ARID5B: variants seen among roughly 807,000 people sequenced by gnomAD.
ARID5B encodes AT-rich interaction domain 5B.
A neutral mutation model predicts 97.2 loss-of-function variants in ARID5B; 13 were observed. The ratio of observed to expected loss-of-function variants is 0.13; its 90% CI spans 0.09 to 0.21. ARID5B has a LOEUF of 0.21. Among genes scored for constraint, ARID5B ranks in the 10% least tolerant of loss-of-function variants. The pLI is 1.00. For missense variants in ARID5B, 1,210 were observed against 1,465.3 expected (o/e 0.83, Z 2.84); for synonymous variants, 556 against 570.3 (o/e 0.97, Z 0.36).
At chr10:62,083,042 GACCTTTACAC>G (rs1840234295) in intron 8 of ARID5B, among the ~76,000 whole-genome samples, 1 of 151,660 alleles carries the variant, frequency 6.6e-6, no homozygotes, top group African/African-American at 2.4e-5. Flanking sequence ...ACACTCGGTT[GACCTTTACAC>G]ACACACACAC....
intron 4 of ARID5B, chr10:62,047,002 C>CTG (rs10569497): frequency 0.39 from 58,302 of 150,212 alleles, 12,055 homozygotes; most frequent in Non-Finnish European, 0.49. Context: ...GTGTGTGTGT[C>CTG]TGTGTGTGTG....
At chr10:62,034,950 G>T in intron 4 of ARID5B, among the ~76,000 whole-genome samples, 1 of 152,178 alleles carries the variant, frequency 6.6e-6, no homozygotes, top group East Asian at 1.9e-4. Flanking sequence ...ACTTTTTCTT[G>T]TTGTAGGGGC....
At chr10:62,050,864 C>A (rs766803815) in intron 4 of ARID5B, 24 bp from the exon 5 acceptor site, 2 of 1,592,266 alleles carry the variant, frequency 1.3e-6, no homozygotes, top group Admixed American at 1.7e-5. Context: ...AAATGTATAT[C>A]AATTGTTTTC....
At chr10:62,030,740 T>C (rs1253916729) in intron 4 of ARID5B, among the ~76,000 whole-genome samples, 1 of 152,188 alleles carries the variant, frequency 6.6e-6, no homozygotes, top group East Asian at 1.9e-4. Flanking sequence ...TTTTTGAAAA[T>C]GATCACACAA....
At chr10:61,982,880 C>T (rs917674257) in intron 3 of ARID5B, among the ~76,000 whole-genome samples, 9 of 152,194 alleles carry the variant, frequency 5.9e-5, no homozygotes, top group Admixed American at 3.3e-4. Context: ...AATAAACCCC[C>T]GCCAAGGTGA....
In ARID5B at chr10:62,060,787, G is replaced by A. The variant is rs140091732; in HGVS notation, c.1101+1492G>A. 1.1e-4 allele frequency among the ~76,000 whole-genome samples: 16 copies of A among 152,270 alleles called. No individual in the cohort carries two copies. The South Asian group carries it at 2.5e-3, about 24-fold the overall frequency. ...GAACCATGACTGCAGATAGTTATAT[G>A]ATATTGAACAATATTATGAAACGTC... On this transcript the variant is annotated intron_variant, in intron 7 of 9. Coordinates refer to ENST00000279873, the MANE Select transcript of ARID5B (RefSeq NM_032199.3).
intron 6 of ARID5B, 49 bp from the exon 7 acceptor site, chr10:62,059,194 A>C: frequency 7.2e-7 from 1 of 1,394,334 alleles, no homozygotes; most frequent in East Asian, 2.4e-5. Flanking sequence ...CATTTCTTGG[A>C]AGTATGTTAA....
chr10:61,979,254 G>A (rs1217518667), intron 3 of ARID5B, among the ~76,000 whole-genome samples: 1 of 152,202 alleles, frequency 6.6e-6, no homozygotes, highest in African/African-American at 2.4e-5. Flanking sequence ...CTCTGGGAGA[G>A]GAAGCAACTT....
chr10:62,045,773 C>A (rs1404571358), intron 4 of ARID5B, among the ~76,000 whole-genome samples: 2 of 152,144 alleles, frequency 1.3e-5, no homozygotes, highest in African/African-American at 2.4e-5. Context: ...AATTGATATC[C>A]TCAGAGGAAA....
Position 62,091,200 on chromosome 10 carries a change from G to A in ARID5B, c.1737G>A (p.Leu579=), listed in dbSNP as rs751442112. Reference sequence around the variant, plus strand: ...TGGACTCAAAACAAGAATCCAAACTGTGCTGTTTTACAGAGAGCCCTGAAA... The same window carrying A: ...TGGACTCAAAACAAGAATCCAAACTATGCTGTTTTACAGAGAGCCCTGAAA... ...ALVDSKQESK[L]CCFTESPESE... Residue 579 remains leucine (L), a synonymous_variant, in exon 10 of 10, where the codon CTG becomes CTA. Coordinates refer to ENST00000279873, the MANE Select transcript of ARID5B (RefSeq NM_032199.3). 6.2e-7 allele frequency: 1 copy of A among 1,614,140 alleles called. No individual in the cohort carries two copies. Among genetic ancestry groups the A allele is most frequent in the Non-Finnish European group, 8.5e-7 (1 of 1,180,026 alleles).
At chr10:61,917,203 C>T (rs559252206) in intron 2 of ARID5B, among the ~76,000 whole-genome samples, 23 of 151,854 alleles carry the variant, frequency 1.5e-4, no homozygotes, top group African/African-American at 4.8e-4. Context: ...ATAAAATGCT[C>T]TTCAGTTTCT....
intron 8 of ARID5B, among the ~76,000 whole-genome samples, chr10:62,072,298 C>T (rs376370276): frequency 5.9e-5 from 9 of 152,178 alleles, no homozygotes; most frequent in Non-Finnish European, 1.2e-4. Context: ...AGGCTGCAAC[C>T]CACTGCTGCT....
chr10:62,094,198 G>A lies in ARID5B; in HGVS notation c.*1168G>A, dbSNP rs571859650. The A allele has an allele frequency of 6.0e-5, 14 of 232,608 alleles. No individual in the cohort carries two copies. The highest frequency in any genetic ancestry group is 1.5e-4 in the African/African-American group (7 of 45,436). 14.4% of individuals were successfully genotyped at this position (232,608 alleles called of 1,614,324 possible). On this transcript the variant is annotated 3_prime_UTR_variant, in exon 10 of 10. Coordinates refer to ENST00000279873, the MANE Select transcript of ARID5B (RefSeq NM_032199.3). ...AGGAGCCAAAATGATTTACATTGGC[G>A]TTGGCACTGATTCCTTTAAATGGTC...
chr10:62,062,110 T>G (rs879563895), intron 7 of ARID5B, among the ~76,000 whole-genome samples: 2 of 152,222 alleles, frequency 1.3e-5, no homozygotes, highest in Non-Finnish European at 2.9e-5. Context: ...TGGCATATTT[T>G]GACTAATAAA....
chr10:62,051,489 A>C (rs1032546572), intron 5 of ARID5B, among the ~76,000 whole-genome samples: 2 of 152,240 alleles, frequency 1.3e-5, no homozygotes, highest in Non-Finnish European at 2.9e-5. Context: ...CATTAGACTA[A>C]AATTAAAGAT....
chr10:62,036,914 T>A (rs937937681), intron 4 of ARID5B, among the ~76,000 whole-genome samples: 3 of 152,202 alleles, frequency 2.0e-5, no homozygotes, highest in Non-Finnish European at 4.4e-5. Context: ...AATTCCATCA[T>A]TTTATAAATG....
intron 3 of ARID5B, among the ~76,000 whole-genome samples, chr10:61,962,444 A>G (rs1234517438): frequency 6.6e-6 from 1 of 152,204 alleles, no homozygotes; most frequent in African/African-American, 2.4e-5. Flanking sequence ...TATGTACAGC[A>G]TGTTTTAGGA....
rs546480496 is a variant in ARID5B, at chr10:61,920,532, C to T, written c.276+18119C>T. The stretch of plus-strand genomic sequence containing the variant: ...TTGTATTTTTAGTAGAGACAGGTTT[C>T]GCCATGTTGGCCAGGCTGGTCTCGA... On this transcript the variant is annotated intron_variant, in intron 2 of 9. Transcript: ENST00000279873. 2.4e-4 allele frequency among the ~76,000 whole-genome samples: 36 copies of T among 151,936 alleles called. 1 individual carries two copies. Among genetic ancestry groups the T allele is most frequent in the East Asian group, 7.7e-4 (4 of 5,176 alleles).
intron 9 of ARID5B, among the ~76,000 whole-genome samples, chr10:62,087,955 C>T (rs1000925068): frequency 4.0e-5 from 6 of 151,604 alleles, no homozygotes; most frequent in Non-Finnish European, 8.8e-5. Flanking sequence ...ACCTCCGCCT[C>T]CCAGGTTCAA....
Sources: gnomAD v4.1 joint callset for allele counts (sites outside exome capture counted in the v4.1 genomes callset) on GRCh38, gnomAD v4.1.1 for gene constraint, MANE v1.5 for transcripts, NCBI Gene and HGNC (gene_info 2026-07-23, HGNC 2026-07-21) for gene names.